The following RERE variants were observed in gnomAD, a reference collection of about 807,000 sequenced individuals.
RERE encodes the protein arginine-glutamic acid dipeptide repeats, also known as arginine-glutamic acid dipeptide repeats protein.
RERE carries 40 observed loss-of-function variants against 146.1 expected under a neutral mutation model. The observed-to-expected ratio is 0.27, with a 90% confidence interval of 0.21 to 0.36. The LOEUF is 0.36. Among genes scored for constraint, RERE ranks in the 10% least tolerant of loss-of-function variants. The pLI is 1.00. For synonymous variants in RERE, 1,003 were observed against 866.0 expected (o/e 1.16, Z -2.78); for missense variants, 1,933 against 2,138.7 (o/e 0.90, Z 1.90).
chr1:8,371,245 A>G (rs769836472), intron 12 of RERE, among the ~76,000 whole-genome samples: 16 of 151,954 alleles, frequency 1.1e-4, no homozygotes, highest in Non-Finnish European at 2.4e-4. Flanking sequence ...GGGGGGCTAA[A>G]TTTTTCCCAC....
chr1:8,369,876 G>A (rs1010938739), intron 12 of RERE, among the ~76,000 whole-genome samples: 4 of 152,018 alleles, frequency 2.6e-5, no homozygotes, highest in African/African-American at 9.7e-5. Context: ...TGCAAGCTCC[G>A]CCTCCCGGGT....
chr1:8,460,152 A>G (rs1394925182), intron 11 of RERE, among the ~76,000 whole-genome samples: 1 of 152,218 alleles, frequency 6.6e-6, no homozygotes, highest in Non-Finnish European at 1.5e-5. Flanking sequence ...CCATGCAAAC[A>G]GTAAATAAAA....
intron 1 of RERE, among the ~76,000 whole-genome samples, chr1:8,713,862 T>C (rs560213009): frequency 6.6e-6 from 1 of 152,326 alleles, no homozygotes; most frequent in South Asian, 2.1e-4. Context: ...ATTCCATTCT[T>C]TATACTTAGC....
At chr1:8,656,488 C>T in intron 1 of RERE, 47 bp from the exon 2 acceptor site, 2 of 724,552 alleles carry the variant, frequency 2.8e-6, no homozygotes, top group Non-Finnish European at 4.3e-6. Context: ...ATATTTGTTT[C>T]CTAAAATAAT....
At chr1:8,767,797 T>C (rs1025238321) in intron 1 of RERE, among the ~76,000 whole-genome samples, 4 of 151,764 alleles carry the variant, frequency 2.6e-5, no homozygotes, top group African/African-American at 9.7e-5. Context: ...ACCTCATCTC[T>C]ACTAAAAATA....
At position 8,364,224 on chromosome 1, in the gene RERE, C is replaced by T. The variant is rs367988884; in HGVS notation, c.1572G>A (p.Glu524=). 7.4e-6 allele frequency: 12 copies of T among 1,614,148 alleles called. No individual in the cohort carries two copies. In the South Asian group the frequency reaches 1.3e-4, roughly 18 times the overall value. ...TSKDWHHGGR[E]NILLCTDCRI... The stretch of plus-strand genomic sequence containing the variant: ...GACAGTCGGTGCAAAGCAGGATGTT[C>T]TCCCGGCCTCCGTGGTGCCAATCTT... Residue 524 remains glutamate, a synonymous_variant, in exon 15 of 23, where the codon GAG becomes GAA. Transcript: ENST00000400908. This position sits in a 1 kb window ranked among gnomAD's most constrained non-coding sequence, Gnocchi z 5.1.
At position 8,624,366 on chromosome 1, in the gene RERE, C is replaced by T. The variant is rs1646950212; in HGVS notation, c.340G>A (p.Glu114Lys). 2 of 1,609,610 alleles carry T rather than the reference C, an allele frequency of 1.2e-6. No homozygotes were observed. Among genetic ancestry groups the T allele is most frequent in the African/African-American group, 1.3e-5 (1 of 74,640 alleles). ...VYRPGDCVYIESRRPNTPYFI... is the reference protein window; with the variant it reads ...VYRPGDCVYIKSRRPNTPYFI... ...TACGGTGTGTTTGGCCTCCGACTCT[C>T]GATATACACACAGTCTTTAAAAGAA... The change falls in exon 3 of 23, where the codon GAG becomes AAG. Residue 114 changes from glutamate (E) to lysine (K), a missense_variant. This residue lies in a region of RERE where 74 missense variants were observed against 99.6 expected (regional missense o/e 0.74). Transcript: ENST00000400908.
chr1:8,608,259 T>G (rs1373506428), intron 4 of RERE, among the ~76,000 whole-genome samples: 1 of 152,188 alleles, frequency 6.6e-6, no homozygotes, highest in African/African-American at 2.4e-5. Context: ...TCTTAGCACT[T>G]TGGGGTACTG....
intron 1 of RERE, among the ~76,000 whole-genome samples, chr1:8,729,631 T>C (rs1036095414): frequency 1.3e-5 from 2 of 152,184 alleles, no homozygotes; most frequent in Non-Finnish European, 2.9e-5. Context: ...ATATTTACTA[T>C]ATCTGGCCCT....
At chr1:8,680,953 C>G (rs1198176263) in intron 1 of RERE, among the ~76,000 whole-genome samples, 1 of 152,134 alleles carries the variant, frequency 6.6e-6, no homozygotes, top group Non-Finnish European at 1.5e-5. Flanking sequence ...ATAAAAATTA[C>G]CAAGTGCCCT....
At chr1:8,636,284 G>A (rs917485007) in intron 2 of RERE, among the ~76,000 whole-genome samples, 5 of 149,868 alleles carry the variant, frequency 3.3e-5, no homozygotes, top group Non-Finnish European at 5.9e-5. Flanking sequence ...CACCGCACCC[G>A]GCCATCTTCA....
chr1:8,620,770 A>G (rs879895450), intron 3 of RERE, among the ~76,000 whole-genome samples: 5 of 151,222 alleles, frequency 3.3e-5, no homozygotes, highest in Non-Finnish European at 7.4e-5. Flanking sequence ...CCCTAATTCT[A>G]CCCTGCCTCT....
chr1:8,416,380 T>C (rs1643762526), intron 12 of RERE, among the ~76,000 whole-genome samples: 2 of 151,996 alleles, frequency 1.3e-5, no homozygotes, highest in African/African-American at 2.4e-5. Context: ...GGTCAGGAGA[T>C]CGAGACCATC....
chr1:8,481,703 A>G (rs1644836339), intron 10 of RERE, among the ~76,000 whole-genome samples: 2 of 152,242 alleles, frequency 1.3e-5, no homozygotes, highest in Admixed American at 1.3e-4. Flanking sequence ...ATTAATAGTG[A>G]TGAACTTAAG....
chr1:8,476,456 G>C (rs1340594066), intron 10 of RERE, among the ~76,000 whole-genome samples: 2 of 152,168 alleles, frequency 1.3e-5, no homozygotes, highest in Admixed American at 1.3e-4. Context: ...TTGGGGCTAG[G>C]GGATGAGGGT....
chr1:8,720,925 G>A (rs1356268003), intron 1 of RERE, among the ~76,000 whole-genome samples: 1 of 152,086 alleles, frequency 6.6e-6, no homozygotes, highest in Non-Finnish European at 1.5e-5. Context: ...ACATGGTGAT[G>A]CACACCTGCA....
chr1:8,541,381 A>AG, intron 6 of RERE, 63 bp from the exon 7 acceptor site: 2 of 978,576 alleles, frequency 2.0e-6, no homozygotes, highest in Non-Finnish European at 3.2e-6. Flanking sequence ...CCAAAACTGG[A>AG]GGGGGAAGGG....
intron 4 of RERE, among the ~76,000 whole-genome samples, chr1:8,611,548 A>C (rs1304682193): frequency 6.6e-6 from 1 of 152,204 alleles, no homozygotes; most frequent in Non-Finnish European, 1.5e-5. Flanking sequence ...CAAATAAAAC[A>C]GTTCAAACCA....
Position 8,361,289 on chromosome 1 carries a change from C to T in RERE, c.2218G>A (p.Ala740Thr). The change falls in exon 18 of 23, where the codon GCC becomes ACC. Residue 740 changes from alanine to threonine, a missense_variant. Physicochemically the swap from Ala to Thr is moderately conservative, Grantham distance 58. This residue lies in a region of RERE where 1,255 missense variants were observed against 1,153.8 expected (regional missense o/e 1.09). Transcript: ENST00000400908. ...QQQMLQAQPPALQAPTGVTPA... is the reference protein window; with the variant it reads ...QQQMLQAQPPTLQAPTGVTPA... ...GTGACCCCAGTGGGAGCCTGCAAGG[C>T]TGGGGGCTGGGCCTGCAGCATCTGC... 2 of 1,603,468 alleles carry T rather than the reference C, an allele frequency of 1.2e-6. No individual in the cohort carries two copies. The highest frequency in any genetic ancestry group is 3.4e-5 in the Admixed American group (2 of 59,444).
Sources: gnomAD v4.1 joint callset for allele counts (sites outside exome capture counted in the v4.1 genomes callset) on GRCh38, gnomAD v4.1.1 for gene constraint, gnomAD v4.1.1 regional missense constraint, Gnocchi (gnomAD v3.1) non-coding constraint, MANE v1.5 for transcripts, NCBI Gene and HGNC (gene_info 2026-07-23, HGNC 2026-07-21) for gene names.